EHBP1: variants seen among roughly 807,000 people sequenced by gnomAD.
The protein encoded by EHBP1 is EH domain-binding protein 1.
A neutral mutation model predicts 144.0 loss-of-function variants in EHBP1; 55 were observed. The ratio of observed to expected loss-of-function variants is 0.38; its 90% CI spans 0.31 to 0.48. The LOEUF (loss-of-function observed/expected upper bound fraction) is 0.48. Ranked by LOEUF, EHBP1 falls within the 20% of genes least tolerant of loss-of-function variation. The pLI, the probability that EHBP1 is intolerant of heterozygous loss-of-function variation, is 0.98. For missense variants in EHBP1, 1,200 were observed against 1,364.2 expected (o/e 0.88, Z 1.90); for synonymous variants, 469 against 472.7 (o/e 0.99, Z 0.10).
intron 5 of EHBP1, among the ~76,000 whole-genome samples, chr2:62,779,205 C>T (rs973327022): frequency 1.3e-5 from 2 of 152,108 alleles, no homozygotes; most frequent in Admixed American, 1.3e-4. Context: ...ATGTTCCACC[C>T]CCTCTGGAAA....
At chr2:63,003,924 G>A (rs1014128237) in intron 19 of EHBP1, among the ~76,000 whole-genome samples, 2 of 152,090 alleles carry the variant, frequency 1.3e-5, no homozygotes, top group Non-Finnish European at 2.9e-5. Context: ...TTTATGAAAA[G>A]TGAGACAATA....
chr2:62,791,469 A>G (rs1573370835), intron 5 of EHBP1, among the ~76,000 whole-genome samples: 1 of 152,060 alleles, frequency 6.6e-6, no homozygotes, highest in East Asian at 1.9e-4. Context: ...TTTAAAATCT[A>G]AAATCCCACT....
intron 7 of EHBP1, chr2:62,858,606 T>A: frequency 1.3e-6 from 1 of 791,484 alleles, no homozygotes; most frequent in Non-Finnish European, 2.1e-6. Context: ...TCTGTCAGTT[T>A]TGTCTTTGTG....
chr2:63,041,782 C>T (rs1372203608), intron 21 of EHBP1, among the ~76,000 whole-genome samples: 1 of 152,132 alleles, frequency 6.6e-6, no homozygotes, highest in Non-Finnish European at 1.5e-5. Flanking sequence ...ACTGCAATCC[C>T]CCAATGTGCT....
At chr2:62,801,894 C>T (rs1230761161) in intron 5 of EHBP1, among the ~76,000 whole-genome samples, 1 of 152,178 alleles carries the variant, frequency 6.6e-6, no homozygotes, top group African/African-American at 2.4e-5. Flanking sequence ...ATATAATTCC[C>T]AAACTTTAGT....
intron 10 of EHBP1, among the ~76,000 whole-genome samples, chr2:62,897,985 A>T (rs915265229): frequency 6.6e-5 from 10 of 152,210 alleles, no homozygotes; most frequent in Admixed American, 2.6e-4. Flanking sequence ...AGTGAAAAAT[A>T]AATCTAAAGG....
chr2:62,707,015 A>G lies in EHBP1; in HGVS notation c.-177A>G. On this transcript the variant is annotated 5_prime_UTR_variant, in exon 2 of 23. It removes the in-frame stop codon of an upstream open reading frame in the 5' UTR. Coordinates refer to ENST00000431489, the MANE Select transcript of EHBP1 (RefSeq NM_001142616.3). ...GTGTTCTTGACTGGGCCATTCATCT[A>G]AGATGGGATTTACCCTGTGAAACAG... The G allele has an allele frequency of 1.7e-6, 1 of 574,644 alleles. No homozygotes were observed. Among genetic ancestry groups the G allele is most frequent in the Non-Finnish European group, 3.1e-6 (1 of 318,502 alleles). The allele number at this position is 574,644 out of a possible 1,614,324, so 35.6% of individuals were successfully genotyped here.
At chr2:62,881,808 A>G (rs550975626) in intron 10 of EHBP1, 1 of 152,274 alleles carries the variant, frequency 6.6e-6, no homozygotes. Context: ...GGTCTTAGCA[A>G]ATTTTTTTAG....
Position 62,884,562 on chromosome 2 carries a change from T to C in EHBP1, c.1185+10030T>C, listed in dbSNP as rs372525859. Among the ~76,000 whole-genome samples the C allele has an allele frequency of 2.6e-5, 4 of 152,298 alleles. No homozygotes were observed. The East Asian group carries it at 5.8e-4, about 22-fold the overall frequency. On this transcript the variant is annotated intron_variant, in intron 10 of 22. Transcript: ENST00000431489. ...CAAATCCATGCTCATTCATTTTATA[T>C]ATTTGAGTTCATTTAAGATTTCATT...
At chr2:62,982,993 A>C (rs980445485) in intron 15 of EHBP1, among the ~76,000 whole-genome samples, 1 of 152,186 alleles carries the variant, frequency 6.6e-6, no homozygotes, top group Non-Finnish European at 1.5e-5. Context: ...TTCTTGTGTA[A>C]ATAACAGAAT....
intron 19 of EHBP1, among the ~76,000 whole-genome samples, chr2:63,006,755 T>A (rs2060053833): frequency 6.6e-6 from 1 of 151,736 alleles, no homozygotes; most frequent in Admixed American, 6.6e-5. Flanking sequence ...TCCTGAAAAA[T>A]TTTATTTAAT....
At chr2:63,016,908 C>G (rs1230042956) in intron 19 of EHBP1, among the ~76,000 whole-genome samples, 1 of 152,112 alleles carries the variant, frequency 6.6e-6, no homozygotes, top group African/African-American at 2.4e-5. Context: ...CCATTAGGAC[C>G]CAGGGCCCAT....
At chr2:62,716,745 A>C (rs951287424) in intron 2 of EHBP1, among the ~76,000 whole-genome samples, 4 of 152,164 alleles carry the variant, frequency 2.6e-5, no homozygotes, top group African/African-American at 9.7e-5. Flanking sequence ...GAGAGGAAGC[A>C]ATCTGGAAGG....
At chr2:62,785,763 A>G (rs1421151533) in intron 5 of EHBP1, among the ~76,000 whole-genome samples, 6 of 151,948 alleles carry the variant, frequency 3.9e-5, no homozygotes, top group Non-Finnish European at 7.4e-5. Flanking sequence ...TAGTGTTTTT[A>G]TGTGGATTGC....
chr2:62,740,739 C>T (rs909704845), intron 2 of EHBP1, among the ~76,000 whole-genome samples: 6 of 152,062 alleles, frequency 3.9e-5, no homozygotes, highest in African/African-American at 1.4e-4. Context: ...GTTCCAAAGA[C>T]TTACAGTTCC....
chr2:62,734,407 T>C (rs1233164659), intron 2 of EHBP1, among the ~76,000 whole-genome samples: 24 of 151,526 alleles, frequency 1.6e-4, no homozygotes, highest in Admixed American at 1.6e-3. Flanking sequence ...GTCTTTTTTT[T>C]TTTTTTGAGA....
At chr2:62,943,108 G>A (rs1232908306) in intron 11 of EHBP1, among the ~76,000 whole-genome samples, 1 of 152,104 alleles carries the variant, frequency 6.6e-6, no homozygotes, top group Admixed American at 6.5e-5. Flanking sequence ...TGGGCGTGGC[G>A]GCTCACGCCT....
rs142688748 is a variant in EHBP1, at chr2:63,021,494, A to C, written c.3104-16041A>C. Among the ~76,000 whole-genome samples, 14 of 152,346 alleles carry C rather than the reference A, an allele frequency of 9.2e-5. No individual in the cohort carries two copies. In the East Asian group the frequency reaches 2.7e-3, roughly 29 times the overall value. On this transcript the variant is annotated intron_variant, in intron 19 of 22. Transcript: ENST00000431489. The stretch of plus-strand genomic sequence containing the variant: ...TATATGAGTGTTAGGCACTTACAGA[A>C]GCAAACTGAACTTAGACATTGTATT...
chr2:62,702,376 G>A (rs886091238), upstream of EHBP1, among the ~76,000 whole-genome samples: 7 of 152,136 alleles, frequency 4.6e-5, no homozygotes, highest in African/African-American at 1.4e-4. Flanking sequence ...AGAGGGAGAC[G>A]ATAAATCAAG....
Sources: allele counts gnomAD v4.1 joint callset (sites outside exome capture counted in the v4.1 genomes callset), GRCh38; gene constraint gnomAD v4.1.1; transcripts MANE v1.5; gene names NCBI Gene and HGNC (gene_info 2026-07-23, HGNC 2026-07-21).